TENT4B: variants seen among roughly 807,000 people sequenced by gnomAD.
TENT4B encodes PAP associated domain containing 5.
Under a neutral mutation model 75.0 loss-of-function variants are expected in TENT4B, and 10 were observed. The ratio of observed to expected loss-of-function variants is 0.13; its 90% CI spans 0.08 to 0.23. TENT4B has a LOEUF of 0.23. Among genes scored for constraint, TENT4B ranks in the 10% least tolerant of loss-of-function variants. TENT4B has a pLI of 1.00. For synonymous variants in TENT4B, 350 were observed against 357.7 expected (o/e 0.98, Z 0.24); for missense variants, 579 against 893.8 (o/e 0.65, Z 4.49).
intron 10 of TENT4B, 26 bp from the exon 11 acceptor site, chr16:50,227,813 A>G: frequency 6.2e-7 from 1 of 1,612,700 alleles, no homozygotes; most frequent in Non-Finnish European, 8.5e-7. Flanking sequence ...AATATGTCAC[A>G]TTATAACTCA....
intron 1 of TENT4B, among the ~76,000 whole-genome samples, chr16:50,160,422 T>C (rs1293624405): frequency 2.6e-5 from 4 of 152,200 alleles, no homozygotes; most frequent in African/African-American, 7.2e-5. Flanking sequence ...ACAAAAGGCT[T>C]ACTACATTAC....
chr16:50,233,208 TC>T lies in TENT4B; in HGVS notation c.*3882del. 1 of 985,120 alleles carries T rather than the reference TC, an allele frequency of 1.0e-6. No individual in the cohort carries two copies. The highest frequency in any genetic ancestry group is 1.2e-6 in the Non-Finnish European group (1 of 829,638). The allele number at this position is 985,120 out of a possible 1,614,324, so 61.0% of individuals were successfully genotyped here. ...AATATTTAGAGAATGATGTTAACAT[TC>T]CAGCATTAAAGTGGGAACAAAGATT... On this transcript the variant is annotated 3_prime_UTR_variant, in exon 12 of 12. Coordinates refer to ENST00000561678, the MANE Select transcript of TENT4B (RefSeq NM_001365324.3).
At chr16:50,212,214 A>G (rs2031317937) in intron 2 of TENT4B, among the ~76,000 whole-genome samples, 1 of 151,890 alleles carries the variant, frequency 6.6e-6, no homozygotes, top group Admixed American at 6.6e-5. Context: ...ACGCCACCAC[A>G]CTTAGCTAAT....
rs1455662500 is a variant in TENT4B at position 50,231,664 on chromosome 16, G to A, written c.*2336G>A. ...TCCTGTACTGCTGAAGTTTCTTTTTGGTAAACAGTATCTTTCTAAAAGAAA... is the reference window on the plus strand; with the variant it reads ...TCCTGTACTGCTGAAGTTTCTTTTTAGTAAACAGTATCTTTCTAAAAGAAA... On this transcript the variant is annotated 3_prime_UTR_variant, in exon 12 of 12. Coordinates refer to ENST00000561678, the MANE Select transcript of TENT4B (RefSeq NM_001365324.3). 1 of 985,546 alleles carries A rather than the reference G, an allele frequency of 1.0e-6. No individual in the cohort carries two copies. The highest frequency in any genetic ancestry group is 1.2e-6 in the Non-Finnish European group (1 of 829,864). The allele number at this position is 985,546 out of a possible 1,614,324, so 61.1% of individuals were successfully genotyped here.
intron 1 of TENT4B, among the ~76,000 whole-genome samples, chr16:50,186,447 A>G (rs1312088163): frequency 6.6e-6 from 1 of 152,102 alleles, no homozygotes; most frequent in Admixed American, 6.6e-5. Context: ...TTAATATTAC[A>G]TTGTTTATAT....
At position 50,195,566 on chromosome 16, in the gene TENT4B, C is replaced by T. The variant is rs1391164165; in HGVS notation, c.639-15757C>T. Reference sequence around the variant, plus strand: ...AATTATGGGTGTGTTTAATGATGGTCCTGAGTCATGAAAACAAAAGGAGGC... The same window carrying T: ...AATTATGGGTGTGTTTAATGATGGTTCTGAGTCATGAAAACAAAAGGAGGC... On this transcript the variant is annotated intron_variant, in intron 1 of 11. Transcript: ENST00000561678. Among the ~76,000 whole-genome samples, 7 of 152,110 alleles carry T rather than the reference C, an allele frequency of 4.6e-5. No individual in the cohort carries two copies. In the East Asian group the frequency reaches 1.3e-3, roughly 29 times the overall value.
rs933798527 is a variant in TENT4B, at chr16:50,229,473, A to G, written c.*145A>G. ...GCGTTTTTTCCCAGCTCGCCACAGA[A>G]TGGATCATGAAGACTGACAACTGCA... is the stretch of plus-strand genomic sequence containing the variant. On this transcript the variant is annotated 3_prime_UTR_variant, in exon 12 of 12. Transcript: ENST00000561678. 13 of 1,280,066 alleles carry G rather than the reference A, an allele frequency of 1.0e-5. No homozygotes were observed. The highest frequency in any genetic ancestry group is 6.2e-5 in the African/African-American group (4 of 64,998). The allele number at this position is 1,280,066 out of a possible 1,614,324, so 79.3% of individuals were successfully genotyped here.
chr16:50,165,894 A>G (rs1025722826), intron 1 of TENT4B, among the ~76,000 whole-genome samples: 1 of 152,106 alleles, frequency 6.6e-6, no homozygotes, highest in African/African-American at 2.4e-5. Context: ...TTCATGTACA[A>G]GTTTTTATGT....
At chr16:50,207,402 C>T (rs1003570940) in intron 1 of TENT4B, among the ~76,000 whole-genome samples, 6 of 151,872 alleles carry the variant, frequency 4.0e-5, no homozygotes, top group African/African-American at 1.5e-4. Context: ...AGGCTGGTCT[C>T]GAACTCCTGG....
At chr16:50,197,385 T>C (rs8061695) in intron 1 of TENT4B, among the ~76,000 whole-genome samples, 21,287 of 152,058 alleles carry the variant, frequency 0.14, 1,685 homozygotes, top group East Asian at 0.25. Flanking sequence ...GCCTTCTGGG[T>C]TCAAGTGATT....
chr16:50,189,475 C>T (rs1054505296), intron 1 of TENT4B, among the ~76,000 whole-genome samples: 3 of 152,192 alleles, frequency 2.0e-5, no homozygotes, highest in African/African-American at 7.2e-5. Context: ...GAACCTCCAA[C>T]TCTCCAGACA....
At chr16:50,194,402 A>T (rs546314702) in intron 1 of TENT4B, among the ~76,000 whole-genome samples, 1 of 151,130 alleles carries the variant, frequency 6.6e-6, no homozygotes, top group South Asian at 2.1e-4. Context: ...TTTTGTAGAG[A>T]CGGGGTTTCA....
In TENT4B at chr16:50,212,649, A is replaced by G. The variant is rs557974748; in HGVS notation, c.762+1203A>G. Among the ~76,000 whole-genome samples, 5 of 152,288 alleles carry G rather than the reference A, an allele frequency of 3.3e-5. No individual in the cohort carries two copies. The South Asian group carries it at 8.3e-4, about 25-fold the overall frequency. On this transcript the variant is annotated intron_variant, in intron 2 of 11. Transcript: ENST00000561678. Reference sequence around the variant, plus strand: ...CAAGGGTACTAATGTTTTATGAGCAATGACCATACATCGCATTCTTTCTCC... The same window carrying G: ...CAAGGGTACTAATGTTTTATGAGCAGTGACCATACATCGCATTCTTTCTCC...
chr16:50,160,323 A>C (rs2037980000), intron 1 of TENT4B, among the ~76,000 whole-genome samples: 1 of 151,292 alleles, frequency 6.6e-6, no homozygotes, highest in Non-Finnish European at 1.5e-5. Context: ...GTCTTTGTGG[A>C]CTCTTTTTTA....
At chr16:50,216,926 T>C in intron 4 of TENT4B, among the ~76,000 whole-genome samples, 1 of 152,194 alleles carries the variant, frequency 6.6e-6, no homozygotes, top group East Asian at 1.9e-4. Flanking sequence ...CCTGTCAGCT[T>C]TTTAGAATAA....
In TENT4B at chr16:50,230,187, T is replaced by G; in HGVS notation, c.*859T>G. The G allele has an allele frequency of 1.0e-6, 1 of 985,124 alleles. No homozygotes were observed. The highest frequency in any genetic ancestry group is 1.2e-6 in the Non-Finnish European group (1 of 829,878). The allele number at this position is 985,124 out of a possible 1,614,324, so 61.0% of individuals were successfully genotyped here. A position where few individuals can be genotyped will look rare whatever the true frequency, so the allele number is the denominator to read the frequency against. On this transcript the variant is annotated 3_prime_UTR_variant, in exon 12 of 12. Coordinates refer to ENST00000561678, the MANE Select transcript of TENT4B (RefSeq NM_001365324.3). ...AAAAATCTCTGGTCATCTCCGAGAATTAACTTGCAACTGTTTTCTATAGTG... is the reference window on the plus strand; with the variant it reads ...AAAAATCTCTGGTCATCTCCGAGAAGTAACTTGCAACTGTTTTCTATAGTG...
chr16:50,200,518 T>C lies in TENT4B; in HGVS notation c.639-10805T>C, dbSNP rs75997347. 6.4e-3 allele frequency among the ~76,000 whole-genome samples: 980 copies of C among 152,296 alleles called. 9 individuals are homozygous for C. Among genetic ancestry groups the C allele is most frequent in the African/African-American group, 0.023 (942 of 41,552 alleles). ...TTCCTACCAGCAATGAATGAGAGTCTGTTGTTGCACATCCTCACCAGCATT... is the reference window on the plus strand; with the variant it reads ...TTCCTACCAGCAATGAATGAGAGTCCGTTGTTGCACATCCTCACCAGCATT... On this transcript the variant is annotated intron_variant, in intron 1 of 11. Coordinates refer to ENST00000561678, the MANE Select transcript of TENT4B (RefSeq NM_001365324.3).
chr16:50,229,520 A>AC lies in TENT4B; in HGVS notation c.*192_*193insC, dbSNP rs2150753822. 1.6e-6 allele frequency: 2 copies of AC among 1,260,004 alleles called. No homozygotes were observed. The highest frequency in any genetic ancestry group is 8.4e-5 in the Admixed American group (2 of 23,880). 78.1% of individuals were successfully genotyped at this position (1,260,004 alleles called of 1,614,324 possible). A position where few individuals can be genotyped will look rare whatever the true frequency, so the allele number is the denominator to read the frequency against. On this transcript the variant is annotated 3_prime_UTR_variant, in exon 12 of 12. Coordinates refer to ENST00000561678, the MANE Select transcript of TENT4B (RefSeq NM_001365324.3). ...TGCAAAAAAAACAAAACAAAACAAA[A>AC]AAAAAAGCAAGCAAAAAAGAGGGAA...
At chr16:50,222,008 G>T (rs1442688309) in intron 5 of TENT4B, among the ~76,000 whole-genome samples, 1 of 152,016 alleles carries the variant, frequency 6.6e-6, no homozygotes, top group Non-Finnish European at 1.5e-5. Flanking sequence ...CAGGTGATCT[G>T]CCCGCCTTGG....
Sources: gnomAD v4.1 joint callset for allele counts (sites outside exome capture counted in the v4.1 genomes callset) on GRCh38, gnomAD v4.1.1 for gene constraint, MANE v1.5 for transcripts, NCBI Gene and HGNC (gene_info 2026-07-23, HGNC 2026-07-21) for gene names.